PDE2A: variants seen among roughly 807,000 people sequenced by gnomAD.
PDE2A encodes the protein cGMP-dependent 3',5'-cyclic phosphodiesterase.
In PDE2A, 53 loss-of-function variants were observed where a neutral mutation model predicts 133.6. The ratio of observed to expected loss-of-function variants is 0.40; its 90% CI spans 0.32 to 0.50. The LOEUF (loss-of-function observed/expected upper bound fraction) is 0.50. PDE2A is among the 20% of genes least tolerant of loss of function. PDE2A has a pLI of 0.73. For synonymous variants in PDE2A, 491 were observed against 490.2 expected, an observed-to-expected ratio of 1.00 and a Z score of -0.02; for missense variants, 796 against 1,232.4, an observed-to-expected ratio of 0.65 and a Z score of 5.30.
chr11:72,612,717 A>G lies in PDE2A; in HGVS notation c.145-3966T>C, dbSNP rs1857269112. Among the ~76,000 whole-genome samples the G allele has an allele frequency of 3.4e-5, 4 of 119,144 alleles. No homozygotes were observed. The South Asian group carries it at 1.2e-3, about 35-fold the overall frequency. 78.2% of individuals were successfully genotyped at this position (119,144 alleles called of 152,430 possible). A position where few individuals can be genotyped will look rare whatever the true frequency, so the allele number is the denominator to read the frequency against. On this transcript the variant is annotated intron_variant, in intron 2 of 30. Transcript: ENST00000334456. Reference sequence around the variant, plus strand: ...GGGTGGATGGTGGGTGGATAGGTAGATGGGTGGCTGGGTGGGTGGGTAGAT... The same window carrying G: ...GGGTGGATGGTGGGTGGATAGGTAGGTGGGTGGCTGGGTGGGTGGGTAGAT...
intron 2 of PDE2A, among the ~76,000 whole-genome samples, chr11:72,637,672 A>G (rs1858761939): frequency 6.6e-6 from 1 of 152,228 alleles, no homozygotes; most frequent in South Asian, 2.1e-4. Context: ...GGAGGACTAG[A>G]GTCTGCAATG....
At chr11:72,584,418 T>C in intron 18 of PDE2A, 105 bp from the exon 19 acceptor site, 1 of 1,266,532 alleles carries the variant, frequency 7.9e-7, no homozygotes, top group Non-Finnish European at 1.1e-6. Context: ...GTTACGTACG[T>C]CCCAGGCATG....
chr11:72,578,834 AG>A lies in PDE2A; in HGVS notation c.2469+62del. 2.0e-6 allele frequency: 2 copies of A among 995,834 alleles called. No homozygotes were observed. Among genetic ancestry groups the A allele is most frequent in the South Asian group, 1.3e-5 (1 of 75,950 alleles). 61.7% of individuals were successfully genotyped at this position (995,834 alleles called of 1,614,324 possible). ...GAGCAGAGAGAGGGTATTCAGGCAC[AG>A]GGGGCACCCAAAGCTGGGCAGGGTG... On this transcript the variant is annotated intron_variant, in intron 28 of 30. Transcript: ENST00000334456. The surrounding 1 kb of genome is among the most constrained non-coding windows in gnomAD (Gnocchi z 4.2).
intron 2 of PDE2A, among the ~76,000 whole-genome samples, chr11:72,616,642 G>A (rs1339752581): frequency 6.6e-6 from 1 of 152,224 alleles, no homozygotes; most frequent in East Asian, 1.9e-4. Context: ...CACAGTTACA[G>A]TCTCAGAGAA....
chr11:72,616,834 T>A (rs375060565), intron 2 of PDE2A, among the ~76,000 whole-genome samples: 54 of 152,206 alleles, frequency 3.5e-4, no homozygotes, highest in African/African-American at 1.2e-3. Context: ...CCTTCTTTCA[T>A]GAGTGAGGAC....
In PDE2A at chr11:72,623,948, C is replaced by T. The variant is rs1392031751; in HGVS notation, c.145-15197G>A. 2.6e-5 allele frequency among the ~76,000 whole-genome samples: 4 copies of T among 152,206 alleles called. No individual in the cohort carries two copies. In the South Asian group the frequency reaches 8.3e-4, roughly 32 times the overall value. On this transcript the variant is annotated intron_variant, in intron 2 of 30. Transcript: ENST00000334456. The stretch of plus-strand genomic sequence containing the variant: ...CTTATCTCCCCTCCCCTGCCACGCA[C>T]CATGCACACTCGCACACATACATAT...
chr11:72,589,226 C>G lies in PDE2A; in HGVS notation c.888G>C (p.Leu296=). The change falls in exon 12 of 31, where the codon CTG becomes CTC. Residue 296 remains leucine, a synonymous_variant. Transcript: ENST00000334456. ...EEVSFPLTGC[L]GQVVEDKKSI... ...ACTTCTTGTCTTCCACCACCTGGCC[C>G]AGGCATCCTGTCAACTAGGGGGTGA... 1 of 1,613,670 alleles carries G rather than the reference C, an allele frequency of 6.2e-7. No individual in the cohort carries two copies. Among genetic ancestry groups the G allele is most frequent in the South Asian group, 1.1e-5 (1 of 90,960 alleles).
intron 6 of PDE2A, among the ~76,000 whole-genome samples, chr11:72,596,371 C>A (rs1486706682): frequency 6.6e-6 from 1 of 152,006 alleles, no homozygotes; most frequent in Non-Finnish European, 1.5e-5. Context: ...CGAGGTGGGG[C>A]AGAAGGCTGG....
At chr11:72,650,019 C>CTTT (rs746774086) in intron 1 of PDE2A, among the ~76,000 whole-genome samples, 2 of 129,116 alleles carry the variant, frequency 1.5e-5, no homozygotes, top group Non-Finnish European at 3.3e-5. Context: ...AGCCCTGAGA[C>CTTT]TTTTTTTTTT....
intron 1 of PDE2A, among the ~76,000 whole-genome samples, chr11:72,671,483 TC>T: frequency 6.6e-6 from 1 of 151,414 alleles, no homozygotes; most frequent in Admixed American, 6.6e-5. Flanking sequence ...TGGGAGCTCT[TC>T]CCCCCACCCC....
intron 2 of PDE2A, among the ~76,000 whole-genome samples, chr11:72,615,312 G>A (rs1857412888): frequency 2.0e-5 from 3 of 152,154 alleles, no homozygotes; most frequent in South Asian, 4.1e-4. Flanking sequence ...GTTGTCCCCC[G>A]CACCCTTGGA....
chr11:72,587,651 C>G (rs1162052476), intron 13 of PDE2A: 2 of 152,282 alleles, frequency 1.3e-5, no homozygotes, highest in African/African-American at 4.8e-5. Flanking sequence ...CTGGTCAGCA[C>G]TGGGATGGCA....
At chr11:72,631,305 C>T (rs1464790059) in intron 2 of PDE2A, among the ~76,000 whole-genome samples, 2 of 152,172 alleles carry the variant, frequency 1.3e-5, no homozygotes, top group Non-Finnish European at 2.9e-5. Context: ...TTGTTCTCTG[C>T]TTCCCATGGG....
chr11:72,579,804 G>A, intron 25 of PDE2A, 196 bp from the exon 26 acceptor site: 1 of 577,256 alleles, frequency 1.7e-6, no homozygotes, highest in Non-Finnish European at 3.1e-6. Context: ...TGAGTCCCTA[G>A]ACCACTCTGA....
In PDE2A at chr11:72,576,978, C is replaced by T. The variant is rs541644776; in HGVS notation, c.*406G>A. 5.5e-4 allele frequency: 107 copies of T among 195,266 alleles called. No individual in the cohort carries two copies. Among genetic ancestry groups the T allele is most frequent in the African/African-American group, 2.4e-3 (104 of 43,128 alleles). 12.1% of individuals were successfully genotyped at this position (195,266 alleles called of 1,614,324 possible). A position where few individuals can be genotyped will look rare whatever the true frequency, so the allele number is the denominator to read the frequency against. ...CACTCAGATGTCTCACCTTCCCCTT[C>T]CATGAGGATCCTGGAGACCCCAAAG... On this transcript the variant is annotated 3_prime_UTR_variant, in exon 31 of 31. Coordinates refer to ENST00000334456, the MANE Select transcript of PDE2A (RefSeq NM_002599.5).
chr11:72,641,525 T>C (rs1435258359), intron 2 of PDE2A, among the ~76,000 whole-genome samples: 1 of 151,760 alleles, frequency 6.6e-6, no homozygotes, highest in Non-Finnish European at 1.5e-5. Context: ...CAGACCAAAT[T>C]AGAGAGCCCA....
intron 1 of PDE2A, among the ~76,000 whole-genome samples, chr11:72,673,803 G>A (rs1855439405): frequency 6.6e-6 from 1 of 151,454 alleles, no homozygotes; most frequent in South Asian, 2.1e-4. Flanking sequence ...CAACTACTTG[G>A]CAGACCTCCC....
At chr11:72,653,361 C>G (rs184654) in intron 1 of PDE2A, among the ~76,000 whole-genome samples, 26,448 of 152,130 alleles carry the variant, frequency 0.17, 2,472 homozygotes, top group South Asian at 0.23. Flanking sequence ...CACCATCAGA[C>G]AGCAAGAGAG....
intron 1 of PDE2A, among the ~76,000 whole-genome samples, chr11:72,656,378 G>T (rs578132091): frequency 6.6e-6 from 1 of 152,034 alleles, no homozygotes. Context: ...TGAGGGGCTC[G>T]GGGGGGCCCT....
Sources: gnomAD v4.1 joint callset for allele counts (sites outside exome capture counted in the v4.1 genomes callset) on GRCh38, gnomAD v4.1.1 for gene constraint, Gnocchi (gnomAD v3.1) non-coding constraint, MANE v1.5 for transcripts, NCBI Gene and HGNC (gene_info 2026-07-23, HGNC 2026-07-21) for gene names.